UNC5C: variants seen among roughly 807,000 people sequenced by gnomAD.
UNC5C encodes unc-5 netrin receptor C, also known as netrin receptor UNC5C.
Under a neutral mutation model 99.8 loss-of-function variants are expected in UNC5C, and 47 were observed. The observed-to-expected ratio is 0.47, with a 90% CI of 0.37 to 0.60. The LOEUF is 0.60. Among genes scored for constraint, UNC5C ranks in the 20% least tolerant of loss-of-function variants. The probability of loss-of-function intolerance (pLI) is 0.00; values close to 1 mark genes in which losing one functional copy is unlikely to be tolerated. For synonymous variants in UNC5C, 487 were observed against 452.2 expected (o/e 1.08, Z -0.98); for missense variants, 1,062 against 1,165.9 (o/e 0.91, Z 1.30).
chr4:95,548,660 C>G, intron 1 of UNC5C, 74 bp downstream of exon 1: 1 of 1,532,366 alleles, frequency 6.5e-7, no homozygotes, highest in Non-Finnish European at 8.8e-7. Flanking sequence ...GTCAAGAGAA[C>G]TGGGGAGGAG....
At chr4:95,475,414 G>A (rs192759249) in intron 1 of UNC5C, among the ~76,000 whole-genome samples, 150 of 151,966 alleles carry the variant, frequency 9.9e-4, no homozygotes, top group African/African-American at 3.3e-3. Context: ...ATTTTTAAAG[G>A]GTTGCTGAGA....
At chr4:95,267,801 A>C (rs1472447128) in intron 4 of UNC5C, among the ~76,000 whole-genome samples, 1 of 152,112 alleles carries the variant, frequency 6.6e-6, no homozygotes, top group African/African-American at 2.4e-5. Flanking sequence ...CAATACAAAA[A>C]AAAAATCATT....
intron 1 of UNC5C, among the ~76,000 whole-genome samples, chr4:95,544,249 T>C (rs148597605): frequency 4.5e-4 from 68 of 152,296 alleles, no homozygotes; most frequent in African/African-American, 1.6e-3. Context: ...GTAATCACTA[T>C]GTTAACTGAC....
intron 1 of UNC5C, among the ~76,000 whole-genome samples, chr4:95,536,078 ATATATT>A (rs1331669863): frequency 2.9e-5 from 3 of 103,654 alleles, no homozygotes; most frequent in Non-Finnish European, 6.3e-5. Context: ...ATATATATAT[ATATATT>A]TTTTTTTTTT....
At chr4:95,462,429 C>T (rs900219613) in intron 1 of UNC5C, among the ~76,000 whole-genome samples, 31 of 152,118 alleles carry the variant, frequency 2.0e-4, no homozygotes, top group Non-Finnish European at 5.9e-5. Flanking sequence ...AAGATCCATC[C>T]TCTGCTCATA....
intron 1 of UNC5C, among the ~76,000 whole-genome samples, chr4:95,475,399 A>T (rs1748111939): frequency 6.6e-6 from 1 of 151,820 alleles, no homozygotes; most frequent in Non-Finnish European, 1.5e-5. Context: ...TAATAATAAC[A>T]CCCAATTTTT....
intron 2 of UNC5C, among the ~76,000 whole-genome samples, chr4:95,316,214 A>G (rs1579318898): frequency 6.6e-6 from 1 of 152,252 alleles, no homozygotes; most frequent in East Asian, 1.9e-4. Context: ...AAACATGTAA[A>G]AGGAGCCTGG....
chr4:95,464,721 C>G (rs1344912978), intron 1 of UNC5C, among the ~76,000 whole-genome samples: 1 of 152,094 alleles, frequency 6.6e-6, no homozygotes, highest in Non-Finnish European at 1.5e-5. Context: ...AAACAAATCA[C>G]TGTCTTATTT....
chr4:95,403,708 A>T (rs1745760501), intron 1 of UNC5C, among the ~76,000 whole-genome samples: 1 of 152,188 alleles, frequency 6.6e-6, no homozygotes, highest in Admixed American at 6.5e-5. Flanking sequence ...TCCACTGCAC[A>T]GTTCTTCGGT....
At chr4:95,271,953 G>T (rs1453014233) in intron 4 of UNC5C, among the ~76,000 whole-genome samples, 1 of 152,012 alleles carries the variant, frequency 6.6e-6, no homozygotes, top group Non-Finnish European at 1.5e-5. Context: ...TCCTCCTGAG[G>T]GTACTTGTCC....
intron 4 of UNC5C, among the ~76,000 whole-genome samples, chr4:95,271,203 C>G (rs1740646488): frequency 6.6e-6 from 1 of 151,814 alleles, no homozygotes; most frequent in Non-Finnish European, 1.5e-5. Context: ...AGACCGTGCT[C>G]GAACACAGCT....
At chr4:95,482,676 G>A (rs1396958970) in intron 1 of UNC5C, among the ~76,000 whole-genome samples, 1 of 133,912 alleles carries the variant, frequency 7.5e-6, no homozygotes, top group Non-Finnish European at 1.6e-5. Flanking sequence ...ATACTATGCA[G>A]CCATAAAAAA....
intron 1 of UNC5C, among the ~76,000 whole-genome samples, chr4:95,409,266 T>G (rs7691901): frequency 0.31 from 46,502 of 151,942 alleles, 9,982 homozygotes; most frequent in African/African-American, 0.61. Flanking sequence ...TCTTTGTTTA[T>G]CTTTAGGAAA....
chr4:95,441,131 A>T (rs1272013835), intron 1 of UNC5C, among the ~76,000 whole-genome samples: 1 of 152,220 alleles, frequency 6.6e-6, no homozygotes, highest in Non-Finnish European at 1.5e-5. Flanking sequence ...GCATTCCTTT[A>T]TGGAGGCTGC....
intron 4 of UNC5C, among the ~76,000 whole-genome samples, chr4:95,269,984 G>T (rs2149390469): frequency 6.6e-6 from 1 of 152,174 alleles, no homozygotes; most frequent in South Asian, 2.1e-4. Flanking sequence ...CAAAGTGCTG[G>T]GATTACAGGT....
chr4:95,179,976 A>G (rs1736545261), intron 14 of UNC5C, among the ~76,000 whole-genome samples: 1 of 148,806 alleles, frequency 6.7e-6, no homozygotes, highest in Non-Finnish European at 1.5e-5. Flanking sequence ...GATGATAGAA[A>G]GAAAATCTGA....
intron 1 of UNC5C, among the ~76,000 whole-genome samples, chr4:95,347,777 T>A (rs1162262548): frequency 6.6e-6 from 1 of 152,038 alleles, no homozygotes; most frequent in Non-Finnish European, 1.5e-5. Context: ...AGTAAAGAAT[T>A]GAATCTAAGA....
rs982964157 is a variant in UNC5C, at chr4:95,457,100, T to G, written c.124+91634A>C. ...AATCAGAAATTTCCCACAATACCTTTACCTATATGTTTACACACATTAATA... is the reference window on the plus strand; with the variant it reads ...AATCAGAAATTTCCCACAATACCTTGACCTATATGTTTACACACATTAATA... On this transcript the variant is annotated intron_variant, in intron 1 of 15. Coordinates refer to ENST00000453304, the MANE Select transcript of UNC5C (RefSeq NM_003728.4). Among the ~76,000 whole-genome samples, 3 of 152,164 alleles carry G rather than the reference T, an allele frequency of 2.0e-5. No individual in the cohort carries two copies. In the South Asian group the frequency reaches 6.2e-4, roughly 31 times the overall value.
chr4:95,534,232 T>C (rs1216857687), intron 1 of UNC5C, among the ~76,000 whole-genome samples: 1 of 152,202 alleles, frequency 6.6e-6, no homozygotes. Context: ...GGGGGTATCA[T>C]CCTGAAGTGG....
Sources: allele counts gnomAD v4.1 joint callset (sites outside exome capture counted in the v4.1 genomes callset), GRCh38; gene constraint gnomAD v4.1.1; transcripts MANE v1.5; gene names NCBI Gene and HGNC (gene_info 2026-07-23, HGNC 2026-07-21).